Variants in HIP1 observed in about 807,000 individuals in gnomAD.
HIP1 encodes huntingtin-interacting protein 1.
A neutral mutation model predicts 147.6 loss-of-function variants in HIP1; 65 were observed. That is an observed-to-expected ratio of 0.44 (90% confidence interval 0.36 to 0.54). The LOEUF (loss-of-function observed/expected upper bound fraction) is 0.54. HIP1 is among the 20% of genes least tolerant of loss of function. The probability of loss-of-function intolerance (pLI) is 0.00; values close to 1 mark genes in which losing one functional copy is unlikely to be tolerated. For synonymous variants in HIP1, 479 were observed against 504.0 expected (o/e 0.95, Z 0.67); for missense variants, 1,061 against 1,299.6 (o/e 0.82, Z 2.82).
rs577910126 is a variant in HIP1, at chr7:75,738,938, A to C, written c.-18T>G. 3.7e-4 allele frequency: 559 copies of C among 1,529,954 alleles called. 6 individuals carry two copies. In the East Asian group the frequency reaches 8.8e-3, roughly 24 times the overall value. 94.8% of individuals were successfully genotyped at this position (1,529,954 alleles called of 1,614,324 possible). A position where few individuals can be genotyped will look rare whatever the true frequency, so the allele number is the denominator to read the frequency against. On this transcript the variant is annotated 5_prime_UTR_variant, in exon 1 of 31. Coordinates refer to ENST00000336926, the MANE Select transcript of HIP1 (RefSeq NM_005338.7). ...CGATCCATGTCGCCGCGAGGAGCCG[A>C]GTCAGGGGCCCTCGGCTGCCCCGGG...
In HIP1 at chr7:75,554,099, G is replaced by T. The variant is rs924351697; in HGVS notation, c.2158+14C>A. The T allele has an allele frequency of 1.2e-6, 2 of 1,602,282 alleles. No individual in the cohort carries two copies. The highest frequency in any genetic ancestry group is 1.7e-6 in the Non-Finnish European group (2 of 1,169,754). Reference sequence around the variant, plus strand: ...CCCTGGTCCATGAACAGCCCCTCATGCCCCGGTACTCACAGTCGGCAGGCT... The same window carrying T: ...CCCTGGTCCATGAACAGCCCCTCATTCCCCGGTACTCACAGTCGGCAGGCT... On this transcript the variant is annotated intron_variant, in intron 21 of 30. Transcript: ENST00000336926.
At chr7:75,551,330 T>A (rs1794776066) in intron 22 of HIP1, among the ~76,000 whole-genome samples, 1 of 150,330 alleles carries the variant, frequency 6.7e-6, no homozygotes. Flanking sequence ...CTCAAGTAGC[T>A]GGGATTACAG....
intron 1 of HIP1, among the ~76,000 whole-genome samples, chr7:75,727,277 G>A (rs1462171077): frequency 6.6e-6 from 1 of 151,482 alleles, no homozygotes; most frequent in African/African-American, 2.4e-5. Flanking sequence ...TGTATTTTTT[G>A]TACAGGCGGG....
At chr7:75,711,877 C>T (rs2117353290) in intron 1 of HIP1, among the ~76,000 whole-genome samples, 1 of 152,288 alleles carries the variant, frequency 6.6e-6, no homozygotes, top group Non-Finnish European at 1.5e-5. Context: ...CCCTGCCAGT[C>T]TTGGGGTGAG....
chr7:75,729,302 C>T (rs10279654), intron 1 of HIP1, among the ~76,000 whole-genome samples: 1 of 78,696 alleles, frequency 1.3e-5, no homozygotes, highest in African/African-American at 5.8e-5. Context: ...GATCTTGTCT[C>T]TGCAAAAAAA....
chr7:75,560,842 A>G (rs939364093), intron 13 of HIP1, among the ~76,000 whole-genome samples: 1 of 151,212 alleles, frequency 6.6e-6, no homozygotes, highest in Non-Finnish European at 1.5e-5. Context: ...TGATCCTCCT[A>G]CCTCAGCCTC....
chr7:75,718,045 G>A (rs1378133547), intron 1 of HIP1, among the ~76,000 whole-genome samples: 1 of 151,916 alleles, frequency 6.6e-6, no homozygotes, highest in African/African-American at 2.4e-5. Context: ...CACATTGGGA[G>A]GCTGATGTAG....
chr7:75,672,132 C>T (rs782088181), intron 1 of HIP1, among the ~76,000 whole-genome samples: 2 of 152,138 alleles, frequency 1.3e-5, no homozygotes, highest in Non-Finnish European at 2.9e-5. Context: ...GTGATAGGCA[C>T]CTTTGCATGT....
In HIP1 at chr7:75,678,509, A is replaced by T. The variant is rs1259699248; in HGVS notation, c.120+60292T>A. ...CAGGCGCCCGCCACCACACCCGGCTAATTTTTGTATTTTTAGTAGAGATGG... is the reference window on the plus strand; with the variant it reads ...CAGGCGCCCGCCACCACACCCGGCTTATTTTTGTATTTTTAGTAGAGATGG... On this transcript the variant is annotated intron_variant, in intron 1 of 30. Coordinates refer to ENST00000336926, the MANE Select transcript of HIP1 (RefSeq NM_005338.7). Among the ~76,000 whole-genome samples, 3 of 151,810 alleles carry T rather than the reference A, an allele frequency of 2.0e-5. No individual in the cohort carries two copies. The East Asian group carries it at 5.8e-4, about 29-fold the overall frequency.
At chr7:75,669,955 G>A (rs1006832099) in intron 1 of HIP1, among the ~76,000 whole-genome samples, 4 of 151,960 alleles carry the variant, frequency 2.6e-5, no homozygotes, top group Admixed American at 6.6e-5. Flanking sequence ...TGCTCACCAT[G>A]ATGCCCAGCT....
chr7:75,546,629 T>C (rs1488113562), intron 25 of HIP1, among the ~76,000 whole-genome samples: 1 of 152,236 alleles, frequency 6.6e-6, no homozygotes, highest in Non-Finnish European at 1.5e-5. Flanking sequence ...CAGGATCTGC[T>C]TCTTTTGCAA....
intron 1 of HIP1, among the ~76,000 whole-genome samples, chr7:75,696,890 G>T (rs1298220780): frequency 6.6e-6 from 1 of 151,618 alleles, no homozygotes; most frequent in Non-Finnish European, 1.5e-5. Flanking sequence ...GTGAGCCACT[G>T]TGCCAGGCCC....
chr7:75,589,095 A>G (rs1313554556), intron 4 of HIP1, among the ~76,000 whole-genome samples: 3 of 151,576 alleles, frequency 2.0e-5, no homozygotes, highest in Non-Finnish European at 4.4e-5. Flanking sequence ...GGTTGCAGTG[A>G]GCAGAGATCG....
At chr7:75,623,184 C>A (rs908153411) in intron 1 of HIP1, among the ~76,000 whole-genome samples, 4 of 118,216 alleles carry the variant, frequency 3.4e-5, no homozygotes, top group East Asian at 2.8e-4. Context: ...GGCAACAGAG[C>A]GGGACTCCAT....
At chr7:75,598,014 C>G (rs1278545127) in intron 2 of HIP1, among the ~76,000 whole-genome samples, 1 of 152,094 alleles carries the variant, frequency 6.6e-6, no homozygotes, top group Non-Finnish European at 1.5e-5. Context: ...ATTCCCTAAT[C>G]CACTTCAAGG....
intron 1 of HIP1, among the ~76,000 whole-genome samples, chr7:75,632,533 G>A (rs1458532003): frequency 4.0e-5 from 6 of 150,754 alleles, no homozygotes; most frequent in East Asian, 2.0e-4. Context: ...GATTACAGGC[G>A]CACACCACCA....
chr7:75,672,518 G>A (rs1206092134), intron 1 of HIP1, among the ~76,000 whole-genome samples: 2 of 151,912 alleles, frequency 1.3e-5, no homozygotes, highest in African/African-American at 2.4e-5. Flanking sequence ...TGTAGAGATG[G>A]GGTTTCACCA....
intron 1 of HIP1, among the ~76,000 whole-genome samples, chr7:75,641,481 G>T (rs1798653444): frequency 7.3e-6 from 1 of 137,070 alleles, no homozygotes; most frequent in African/African-American, 2.9e-5. Flanking sequence ...TTTTTTATTT[G>T]CTCCTTGTTT....
chr7:75,541,124 C>T (rs1430083732), intron 29 of HIP1, among the ~76,000 whole-genome samples: 3 of 151,386 alleles, frequency 2.0e-5, no homozygotes, highest in African/African-American at 7.3e-5. Context: ...AAAAAAGGGC[C>T]GGTGGCTCAC....
Sources: gnomAD v4.1 joint callset for allele counts (sites outside exome capture counted in the v4.1 genomes callset) on GRCh38, gnomAD v4.1.1 for gene constraint, MANE v1.5 for transcripts, NCBI Gene and HGNC (gene_info 2026-07-23, HGNC 2026-07-21) for gene names.